NEGR1: variants seen among roughly 807,000 people sequenced by gnomAD.
NEGR1 encodes the protein IgLON family member 4.
Under a neutral mutation model 40.9 loss-of-function variants are expected in NEGR1, and 10 were observed. That is an observed-to-expected ratio of 0.24 (90% CI 0.15 to 0.42). NEGR1 has a LOEUF of 0.42. Ranked by LOEUF, NEGR1 falls within the 10% of genes least tolerant of loss-of-function variation. The probability of loss-of-function intolerance (pLI) is 1.00; values close to 1 mark genes in which losing one functional copy is unlikely to be tolerated. For synonymous variants in NEGR1, 185 were observed against 166.8 expected, an observed-to-expected ratio of 1.11 and a Z score of -0.84; for missense variants, 352 against 438.9, an observed-to-expected ratio of 0.80 and a Z score of 1.77.
intron 1 of NEGR1, among the ~76,000 whole-genome samples, chr1:72,218,712 G>GA (rs1415503305): frequency 2.0e-5 from 3 of 151,694 alleles, no homozygotes; most frequent in Non-Finnish European, 4.4e-5. Flanking sequence ...AGGATTAAGA[G>GA]AATGAAAAGA....
chr1:71,537,689 A>G (rs1338438104), intron 6 of NEGR1, among the ~76,000 whole-genome samples: 1 of 151,738 alleles, frequency 6.6e-6, no homozygotes, highest in Non-Finnish European at 1.5e-5. Flanking sequence ...TAACAGAATT[A>G]CACAATTAAA....
intron 6 of NEGR1, among the ~76,000 whole-genome samples, chr1:71,499,292 T>C (rs1426169622): frequency 1.3e-5 from 2 of 151,844 alleles, no homozygotes; most frequent in African/African-American, 4.8e-5. Context: ...AGATTATATT[T>C]CAATACATGC....
At chr1:72,013,979 A>T (rs1048779423) in intron 1 of NEGR1, among the ~76,000 whole-genome samples, 2 of 138,636 alleles carry the variant, frequency 1.4e-5, no homozygotes, top group Non-Finnish European at 3.0e-5. Flanking sequence ...AAAAAAAAAA[A>T]AAAAAAAAAG....
intron 1 of NEGR1, among the ~76,000 whole-genome samples, chr1:72,203,788 C>A (rs1653297877): frequency 6.6e-6 from 1 of 152,048 alleles, no homozygotes; most frequent in African/African-American, 2.4e-5. Context: ...TAACCACTAA[C>A]CTTTTTCAAT....
intron 1 of NEGR1, among the ~76,000 whole-genome samples, chr1:72,006,732 A>G (rs1353713007): frequency 6.6e-6 from 1 of 152,152 alleles, no homozygotes; most frequent in Non-Finnish European, 1.5e-5. Context: ...CTCTACTGCT[A>G]ATGTATTCTC....
intron 6 of NEGR1, among the ~76,000 whole-genome samples, chr1:71,561,018 T>C (rs1296182878): frequency 6.6e-6 from 1 of 151,540 alleles, no homozygotes; most frequent in Non-Finnish European, 1.5e-5. Flanking sequence ...TTCTGAAAAA[T>C]TGGGAAAAGA....
intron 1 of NEGR1, among the ~76,000 whole-genome samples, chr1:71,948,087 A>G (rs1646037454): frequency 6.6e-6 from 1 of 152,188 alleles, no homozygotes; most frequent in Non-Finnish European, 1.5e-5. Flanking sequence ...CTTTTAAAAT[A>G]CAGTTGCTTA....
At chr1:71,935,465 A>G (rs1374156785) in intron 1 of NEGR1, among the ~76,000 whole-genome samples, 154 bp from the exon 2 acceptor site, 2 of 152,134 alleles carry the variant, frequency 1.3e-5, no homozygotes, top group Admixed American at 6.6e-5. Flanking sequence ...ATACTGATGC[A>G]TCTTCCATTC....
chr1:72,274,574 T>C (rs1655972008), intron 1 of NEGR1: 3 of 768,114 alleles, frequency 3.9e-6, no homozygotes, highest in African/African-American at 1.7e-5. Flanking sequence ...AGTGAGTCTT[T>C]GGCAAGATAT....
chr1:71,865,459 A>G (rs1045762082), intron 2 of NEGR1, among the ~76,000 whole-genome samples: 4 of 152,152 alleles, frequency 2.6e-5, no homozygotes, highest in Non-Finnish European at 5.9e-5. Context: ...GCTGGAAATC[A>G]TCATTCTCAG....
intron 2 of NEGR1, among the ~76,000 whole-genome samples, chr1:71,874,830 C>A (rs545038407): frequency 6.6e-6 from 1 of 152,110 alleles, no homozygotes; most frequent in Non-Finnish European, 1.5e-5. Flanking sequence ...GTTTCCACAG[C>A]AAGTTTTTCT....
At chr1:72,270,736 C>T (rs1655814897) in intron 1 of NEGR1, among the ~76,000 whole-genome samples, 2 of 151,746 alleles carry the variant, frequency 1.3e-5, no homozygotes, top group Admixed American at 1.3e-4. Context: ...TGTGACCACC[C>T]AATTATAGTG....
Position 71,860,195 on chromosome 1 carries a change from AT to A in NEGR1, c.409+74883del, listed in dbSNP as rs1198768164. Among the ~76,000 whole-genome samples the A allele has an allele frequency of 1.2e-4, 15 of 120,640 alleles. 1 individual carries two copies. The South Asian group carries it at 3.1e-3, about 25-fold the overall frequency. 79.1% of individuals were successfully genotyped at this position (120,640 alleles called of 152,430 possible). A position where few individuals can be genotyped will look rare whatever the true frequency, so the allele number is the denominator to read the frequency against. On this transcript the variant is annotated intron_variant, in intron 2 of 6. Transcript: ENST00000357731. ...GTAGAGGGCAGTCAAAATTCTCATC[AT>A]TTAAAAAAAAAAAAACAACTATTCA...
At chr1:71,881,763 A>G (rs1353576510) in intron 2 of NEGR1, among the ~76,000 whole-genome samples, 3 of 152,116 alleles carry the variant, frequency 2.0e-5, no homozygotes, top group Non-Finnish European at 4.4e-5. Context: ...GTGAGTTTCC[A>G]ACTGAATTAT....
At chr1:72,161,844 T>A (rs1651575991) in intron 1 of NEGR1, among the ~76,000 whole-genome samples, 1 of 151,426 alleles carries the variant, frequency 6.6e-6, no homozygotes, top group African/African-American at 2.4e-5. Flanking sequence ...GCCTGGCTAA[T>A]TTTTGTTTTG....
intron 2 of NEGR1, among the ~76,000 whole-genome samples, chr1:71,829,281 G>T (rs1471273458): frequency 2.6e-5 from 4 of 151,656 alleles, no homozygotes; most frequent in Non-Finnish European, 5.9e-5. Context: ...TTTCTTTTGA[G>T]ATTTAACAGA....
chr1:71,819,488 T>C (rs2101774127), intron 2 of NEGR1, among the ~76,000 whole-genome samples: 1 of 151,824 alleles, frequency 6.6e-6, no homozygotes, highest in East Asian at 1.9e-4. Context: ...GATCATAGAA[T>C]AAGAAAGAGC....
At chr1:71,863,811 G>A (rs559042275) in intron 2 of NEGR1, among the ~76,000 whole-genome samples, 7 of 152,176 alleles carry the variant, frequency 4.6e-5, no homozygotes, top group African/African-American at 7.2e-5. Context: ...ACCACCCAAC[G>A]TGTTGATTAT....
chr1:72,176,784 C>T (rs1557563924), intron 1 of NEGR1, among the ~76,000 whole-genome samples: 2 of 151,928 alleles, frequency 1.3e-5, no homozygotes, highest in Non-Finnish European at 2.9e-5. Context: ...AGCCTCTATG[C>T]CTCGATAAGG....
Sources: gnomAD v4.1 joint callset for allele counts (sites outside exome capture counted in the v4.1 genomes callset) on GRCh38, gnomAD v4.1.1 for gene constraint, MANE v1.5 for transcripts, NCBI Gene and HGNC (gene_info 2026-07-23, HGNC 2026-07-21) for gene names.